The following SAG variants were observed in gnomAD, a reference collection of about 807,000 sequenced individuals.
SAG encodes the protein S-antigen visual arrestin, also known as S-arrestin.
In SAG, 45 loss-of-function variants were observed where a neutral mutation model predicts 55.0. The observed-to-expected ratio is 0.82, with a 90% CI of 0.64 to 1.05. The LOEUF is 1.05. SAG is among the 50% of genes least tolerant of loss of function. SAG has a pLI of 0.00. For missense variants in SAG, 455 were observed against 512.1 expected (o/e 0.89, Z 1.08); for synonymous variants, 189 against 197.4 (o/e 0.96, Z 0.36).
chr2:233,321,252 A>G (rs1431510031), intron 5 of SAG, among the ~76,000 whole-genome samples: 2 of 151,938 alleles, frequency 1.3e-5, no homozygotes, highest in Non-Finnish European at 1.5e-5. Context: ...AGATATTTTC[A>G]TCTCTCTGGG....
intron 10 of SAG, 36 bp from the exon 11 acceptor site, chr2:233,334,926 G>A (rs767506354): frequency 6.2e-7 from 1 of 1,610,670 alleles, no homozygotes; most frequent in Non-Finnish European, 8.5e-7. Context: ...TGGCAGCTTT[G>A]ATGGTTATAA....
At chr2:233,329,197 C>G in intron 8 of SAG, 1 of 391,872 alleles carries the variant, frequency 2.6e-6, no homozygotes, top group Non-Finnish European at 4.7e-6. Context: ...GATGCCAGCA[C>G]TTGGCTTTCC....
intron 6 of SAG, among the ~76,000 whole-genome samples, chr2:233,326,402 T>C (rs1700556971): frequency 6.6e-6 from 1 of 151,940 alleles, no homozygotes; most frequent in Admixed American, 6.6e-5. Context: ...CTGGCCAACC[T>C]AGTGAAACCC....
chr2:233,311,406 C>T (rs2125319839), intron 2 of SAG, among the ~76,000 whole-genome samples: 2 of 152,262 alleles, frequency 1.3e-5, no homozygotes, highest in Middle Eastern at 6.8e-3. Context: ...TCTCTCATAT[C>T]TCATTGGCCA....
Position 233,320,808 on chromosome 2 carries a change from C to A in SAG, c.360C>A (p.Tyr120Ter). The A allele has an allele frequency of 6.3e-7, 1 of 1,594,756 alleles. No individual in the cohort carries two copies. The highest frequency in any genetic ancestry group is 8.5e-7 in the Non-Finnish European group (1 of 1,170,748). ...SLLKKLGSNT[Y>*]PFLLTFPDYL... ...TTAAAAAGCTGGGGAGCAACACGTA[C>A]CCCTTTCTCCTGACGGTGGGTGACT... The change falls in exon 5 of 16, where the codon TAC becomes TAA. Residue 120 changes from tyrosine (Y) to a stop codon, truncating the protein, a stop_gained. Transcript: ENST00000409110. LOFTEE classifies it high-confidence loss of function.
intron 6 of SAG, among the ~76,000 whole-genome samples, chr2:233,325,171 T>C (rs1451478066): frequency 2.0e-5 from 3 of 149,102 alleles, no homozygotes; most frequent in Non-Finnish European, 3.0e-5. Context: ...GCCACTGCAT[T>C]CCAGCCTGGG....
Position 233,331,670 on chromosome 2 carries a change from C to T in SAG, c.764C>T (p.Ser255Leu), listed in dbSNP as rs1441224639. 6.2e-6 allele frequency: 10 copies of T among 1,613,654 alleles called. No homozygotes were observed. The highest frequency in any genetic ancestry group is 4.5e-5 in the East Asian group (2 of 44,886). The change falls in exon 10 of 16, where the codon TCG (serine) becomes TTG (leucine). Residue 255 changes from serine (S) to leucine (L), a missense_variant. Ser to Leu is a moderately radical substitution (Grantham distance 145). Transcript: ENST00000409110. ...CAGGTGGCCAATGTGGTTCTCTACT[C>T]GAGTGATTATTACGTCAAGCCCGTG... ...VEQVANVVLYSSDYYVKPVAM... is the reference protein window; with the variant it reads ...VEQVANVVLYLSDYYVKPVAM...
At chr2:233,324,670 A>G (rs1410059960) in intron 6 of SAG, among the ~76,000 whole-genome samples, 1 of 152,124 alleles carries the variant, frequency 6.6e-6, no homozygotes, top group African/African-American at 2.4e-5. Context: ...GGGCTCCAGC[A>G]TGGAAGGAGG....
intron 4 of SAG, among the ~76,000 whole-genome samples, chr2:233,320,369 C>T (rs1432467327): frequency 1.3e-5 from 2 of 152,174 alleles, no homozygotes; most frequent in Admixed American, 6.5e-5. Context: ...GGTCCTCTGT[C>T]TTCAGATTTC....
intron 1 of SAG, 181 bp from the exon 2 acceptor site, chr2:233,308,981 C>A: frequency 2.0e-6 from 1 of 496,092 alleles, no homozygotes; most frequent in Non-Finnish European, 3.6e-6. Context: ...AAGCATGCTG[C>A]AGTAAAATAC....
intron 2 of SAG, among the ~76,000 whole-genome samples, chr2:233,315,656 T>A (rs1700197635): frequency 6.6e-6 from 1 of 151,858 alleles, no homozygotes; most frequent in African/African-American, 2.4e-5. Context: ...ATAAAAGATT[T>A]AACATGCAAA....
intron 5 of SAG, among the ~76,000 whole-genome samples, chr2:233,321,063 C>T (rs1700366923): frequency 6.6e-6 from 1 of 152,200 alleles, no homozygotes; most frequent in Non-Finnish European, 1.5e-5. Flanking sequence ...CTTGACCCGA[C>T]CCCCTAATTA....
intron 6 of SAG, among the ~76,000 whole-genome samples, chr2:233,324,304 A>T (rs1700478673): frequency 6.6e-6 from 1 of 152,160 alleles, no homozygotes; most frequent in Admixed American, 6.5e-5. Flanking sequence ...AGGTAGGAGG[A>T]TCACTTAAGC....
At chr2:233,308,881 C>A (rs1402878296) in intron 1 of SAG, among the ~76,000 whole-genome samples, 1 of 152,172 alleles carries the variant, frequency 6.6e-6, no homozygotes, top group Non-Finnish European at 1.5e-5. Context: ...GAAAGTAAAA[C>A]CTCATTGGAA....
chr2:233,338,771 A>C lies in SAG; in HGVS notation c.1022+18A>C. The C allele has an allele frequency of 6.2e-7, 1 of 1,605,756 alleles. No individual in the cohort carries two copies. Among genetic ancestry groups the C allele is most frequent in the Non-Finnish European group, 8.5e-7 (1 of 1,172,394 alleles). On this transcript the variant is annotated intron_variant, in intron 12 of 15. Transcript: ENST00000409110. ...GTGTCAGGGTAAGTGTCCCGGCACC[A>C]ACCCTCGGGCTGCTCTGTCCTGGTC...
chr2:233,336,968 T>C (rs569667694), intron 11 of SAG, among the ~76,000 whole-genome samples: 71 of 152,164 alleles, frequency 4.7e-4, no homozygotes, highest in African/African-American at 1.7e-3. Context: ...TGGTGGCACG[T>C]GCCTGTAGTC....
chr2:233,312,495 CA>C (rs1700101393), intron 2 of SAG, among the ~76,000 whole-genome samples: 1 of 152,190 alleles, frequency 6.6e-6, no homozygotes, highest in Non-Finnish European at 1.5e-5. Flanking sequence ...ACATGATAAG[CA>C]CTCGAAATGC....
chr2:233,312,816 C>G (rs1439213525), intron 2 of SAG, among the ~76,000 whole-genome samples: 2 of 152,186 alleles, frequency 1.3e-5, no homozygotes, highest in Non-Finnish European at 1.5e-5. Context: ...AAAGCAAGAG[C>G]CTTCCCTCTC....
At chr2:233,332,038 G>A (rs2241875) in intron 10 of SAG, 250,530 of 344,208 alleles carry the variant, frequency 0.73, 92,191 homozygotes, top group African/African-American at 0.83. Flanking sequence ...TAGGAATTTG[G>A]TACTATTTCC....
Sources: allele counts gnomAD v4.1 joint callset (sites outside exome capture counted in the v4.1 genomes callset), GRCh38; gene constraint gnomAD v4.1.1; transcripts MANE v1.5; gene names NCBI Gene and HGNC (gene_info 2026-07-23, HGNC 2026-07-21).